Variants in ECM2 observed in about 807,000 individuals in gnomAD.
The protein encoded by ECM2 is extracellular matrix protein 2, female organ and adipocyte specific.
ECM2 carries 57 observed loss-of-function variants against 67.5 expected under a neutral mutation model. The ratio of observed to expected loss-of-function variants is 0.84; its 90% CI spans 0.68 to 1.05. The LOEUF is 1.05. Among genes scored for constraint, ECM2 ranks in the 50% least tolerant of loss-of-function variants. ECM2 has a pLI of 0.00. For synonymous variants in ECM2, 258 were observed against 294.5 expected (o/e 0.88, Z 1.27); for missense variants, 741 against 822.8 (o/e 0.90, Z 1.22).
chr9:92,500,902 A>G lies in ECM2; in HGVS notation c.1756T>C (p.Leu586=), dbSNP rs763129979. The G allele has an allele frequency of 7.4e-6, 12 of 1,614,080 alleles. No homozygotes were observed. Among genetic ancestry groups the G allele is most frequent in the Non-Finnish European group, 1.0e-5 (12 of 1,180,042 alleles). The change falls in exon 9 of 10, where the codon TTG becomes CTG. Residue 586 remains leucine, a synonymous_variant. Transcript: ENST00000344604. ...FGHMEPGLEY[L]YLSFNKLADD... is the part of the protein sequence containing the mutation. ...GCAAGTTTGTTAAATGACAGGTACA[A>G]GTATTCCAGGCCTGGTTCCATGTGG...
upstream of ECM2, among the ~76,000 whole-genome samples, chr9:92,541,300 A>G (rs1849312629): frequency 6.6e-6 from 1 of 152,054 alleles, no homozygotes; most frequent in Non-Finnish European, 1.5e-5. Flanking sequence ...AATACTATTT[A>G]TTCCTCCTGT....
chr9:92,512,186 G>A (rs1281691420), intron 4 of ECM2, 60 bp from the exon 5 acceptor site: 3 of 1,128,352 alleles, frequency 2.7e-6, no homozygotes, highest in Non-Finnish European at 4.0e-6. Context: ...GTACACACAT[G>A]TATGGGCATG....
chr9:92,552,415 T>A, the ECM2 span, among the ~76,000 whole-genome samples: 1 of 152,226 alleles, frequency 6.6e-6, no homozygotes, highest in South Asian at 2.1e-4. Context: ...TTAAGGAATC[T>A]CTACACTGTT....
At chr9:92,557,909 C>G in the ECM2 span, among the ~76,000 whole-genome samples, 1 of 152,204 alleles carries the variant, frequency 6.6e-6, no homozygotes, top group Non-Finnish European at 1.5e-5. Flanking sequence ...TCCCAAAGTG[C>G]TGGGATTACA....
chr9:92,545,680 G>A, the ECM2 span, among the ~76,000 whole-genome samples: 1 of 152,228 alleles, frequency 6.6e-6, no homozygotes, highest in Non-Finnish European at 1.5e-5. Flanking sequence ...CCTGGTGCGG[G>A]ATCCACTGGG....
the ECM2 span, among the ~76,000 whole-genome samples, chr9:92,542,445 T>C: frequency 1.6e-4 from 24 of 152,322 alleles, no homozygotes; most frequent in South Asian, 4.1e-4. Context: ...TTTGGAATTA[T>C]ATTCAAAAAA....
At chr9:92,527,793 A>G (rs758662031) in intron 1 of ECM2, among the ~76,000 whole-genome samples, 2 of 152,120 alleles carry the variant, frequency 1.3e-5, no homozygotes, top group Non-Finnish European at 2.9e-5. Context: ...TATGGCTGCC[A>G]TCCTGGGTCC....
At chr9:92,498,773 A>G (rs1229711885) in intron 9 of ECM2, among the ~76,000 whole-genome samples, 1 of 152,208 alleles carries the variant, frequency 6.6e-6, no homozygotes, top group Admixed American at 6.5e-5. Context: ...TCATTTTGAA[A>G]CAATTGTTTA....
intron 1 of ECM2, among the ~76,000 whole-genome samples, chr9:92,525,843 G>C (rs753715964): frequency 6.8e-6 from 1 of 146,836 alleles, no homozygotes; most frequent in Non-Finnish European, 1.5e-5. Flanking sequence ...TGAGTAGCTA[G>C]GACTACAGGT....
At chr9:92,555,112 C>G in the ECM2 span, among the ~76,000 whole-genome samples, 1 of 148,926 alleles carries the variant, frequency 6.7e-6, no homozygotes, top group Non-Finnish European at 1.5e-5. Flanking sequence ...CCTTCTTTCT[C>G]TATCTTACAG....
At chr9:92,502,731 C>A in intron 7 of ECM2, 79 bp from the exon 8 acceptor site, 1 of 1,134,566 alleles carries the variant, frequency 8.8e-7, no homozygotes, top group Non-Finnish European at 1.2e-6. Flanking sequence ...AAAATAGTGA[C>A]ATAGACTATT....
At chr9:92,522,052 T>A (rs1848100422) in intron 2 of ECM2, among the ~76,000 whole-genome samples, 1 of 152,126 alleles carries the variant, frequency 6.6e-6, no homozygotes, top group South Asian at 2.1e-4. Flanking sequence ...AAGTTGTTTT[T>A]GGTTTTTTGG....
chr9:92,544,881 A>G, the ECM2 span, among the ~76,000 whole-genome samples: 1 of 151,914 alleles, frequency 6.6e-6, no homozygotes, highest in Non-Finnish European at 1.5e-5. Context: ...ACACCCAGCT[A>G]AATTTTTTTT....
chr9:92,535,248 A>C (rs920652820), intron 1 of ECM2, among the ~76,000 whole-genome samples: 4 of 152,202 alleles, frequency 2.6e-5, no homozygotes, highest in Admixed American at 2.0e-4. Flanking sequence ...ATGGTCTCTC[A>C]ATACTAATTT....
At chr9:92,524,227 AAC>A (rs1445011899) in intron 1 of ECM2, among the ~76,000 whole-genome samples, 1 of 152,358 alleles carries the variant, frequency 6.6e-6, no homozygotes, top group South Asian at 2.1e-4. Context: ...ATATAAAAAT[AAC>A]AGTCAATAGC....
the ECM2 span, among the ~76,000 whole-genome samples, chr9:92,552,001 T>G: frequency 1.4e-5 from 2 of 141,218 alleles, no homozygotes; most frequent in African/African-American, 2.6e-5. Context: ...GTGATATATA[T>G]GTGTATATAT....
rs1163680469 is a variant in ECM2, at chr9:92,515,158, T to A, written c.527A>T (p.Glu176Val). The A allele has an allele frequency of 6.2e-7, 1 of 1,608,740 alleles. No individual in the cohort carries two copies. The highest frequency in any genetic ancestry group is 1.3e-5 in the African/African-American group (1 of 74,464). Residue 176 changes from glutamate to valine, a missense_variant, in exon 4 of 10, where the codon GAA becomes GTA. Physicochemically the swap from Glu to Val is moderately radical, Grantham distance 121. Transcript: ENST00000344604. ...LSGIALNDRN[E>V]FSGDSSEQRE... ...TTGTTCTGAAGAATCACCAGAAAAT[T>A]CATTTCTATCATTTAATGCTATACC...
intron 1 of ECM2, among the ~76,000 whole-genome samples, chr9:92,532,019 T>A (rs1399653951): frequency 1.6e-5 from 2 of 127,146 alleles, no homozygotes; most frequent in Non-Finnish European, 3.2e-5. Flanking sequence ...TTTAATGTTT[T>A]TTTTTTTTTA....
chr9:92,551,904 T>A, the ECM2 span, among the ~76,000 whole-genome samples: 1 of 134,700 alleles, frequency 7.4e-6, no homozygotes, highest in African/African-American at 2.7e-5. Flanking sequence ...TAACAGCATT[T>A]GTTATATATA....
Sources: gnomAD v4.1 joint callset for allele counts (sites outside exome capture counted in the v4.1 genomes callset) on GRCh38, gnomAD v4.1.1 for gene constraint, MANE v1.5 for transcripts, NCBI Gene and HGNC (gene_info 2026-07-23, HGNC 2026-07-21) for gene names.